C20orf203: variants seen among roughly 807,000 people sequenced by gnomAD.
The protein encoded by C20orf203 is chromosome 20 open reading frame 203, also known as uncharacterized protein C20orf203.
In C20orf203, 16 loss-of-function variants were observed where a neutral mutation model predicts 15.9. The observed-to-expected ratio is 1.01, with a 90% CI of 0.68 to 1.53. The LOEUF (loss-of-function observed/expected upper bound fraction) is 1.53. C20orf203 is among the 40% of genes most tolerant of loss of function. C20orf203 has a pLI of 0.00. For synonymous variants in C20orf203, 98 were observed against 97.2 expected, an observed-to-expected ratio of 1.01 and a Z score of -0.05; for missense variants, 263 against 247.5, an observed-to-expected ratio of 1.06 and a Z score of -0.42.
intron 4 of C20orf203, among the ~76,000 whole-genome samples, chr20:32,646,218 C>CT (rs1461948818): frequency 2.6e-5 from 3 of 115,206 alleles, no homozygotes; most frequent in Non-Finnish European, 3.5e-5. Context: ...CTCGCTCGAT[C>CT]TTTTTGTTGA....
intron 4 of C20orf203, among the ~76,000 whole-genome samples, chr20:32,646,540 C>T (rs1716513711): frequency 1.3e-5 from 2 of 151,938 alleles, no homozygotes; most frequent in South Asian, 2.1e-4. Flanking sequence ...CAAGGGCTTC[C>T]TAGCAGGTGG....
intron 1 of C20orf203, among the ~76,000 whole-genome samples, chr20:32,668,366 C>G (rs1429585774): frequency 1.3e-5 from 2 of 152,164 alleles, no homozygotes; most frequent in Non-Finnish European, 2.9e-5. Context: ...TGGCTCACAT[C>G]TGTAATCTCA....
Position 32,650,807 on chromosome 20 carries a change from C to T in C20orf203, c.210G>A (p.Lys70=), listed in dbSNP as rs1982598307. 1.3e-6 allele frequency: 2 copies of T among 1,487,500 alleles called. No homozygotes were observed. The highest frequency in any genetic ancestry group is 1.8e-6 in the Non-Finnish European group (2 of 1,116,744). The allele number at this position is 1,487,500 out of a possible 1,614,324, so 92.1% of individuals were successfully genotyped here. A position where few individuals can be genotyped will look rare whatever the true frequency, so the allele number is the denominator to read the frequency against. Residue 70 remains lysine, a synonymous_variant, in exon 4 of 6, where the codon AAG becomes AAA. Transcript: ENST00000608990. ...TGGGCTGGGGGTGGACTCGCTGAGCCTTTGAGGTCCTCCTTCCCGCCCCAC... is the reference window on the plus strand; with the variant it reads ...TGGGCTGGGGGTGGACTCGCTGAGCTTTTGAGGTCCTCCTTCCCGCCCCAC... ...LGGGAGRRTS[K]AQRVHPQPSH...
Position 32,634,215 on chromosome 20 carries a change from G to T in C20orf203, c.*1355C>A. 3 of 398,670 alleles carry T rather than the reference G, an allele frequency of 7.5e-6. No homozygotes were observed. The highest frequency in any genetic ancestry group is 4.4e-5 in the Admixed American group (1 of 22,742). 24.7% of individuals were successfully genotyped at this position (398,670 alleles called of 1,614,324 possible). The stretch of plus-strand genomic sequence containing the variant: ...GGGGCTTGAGTTCAGGGGTTGGGGG[G>T]AGGTTCCTAGCCTGGGGGCTCTGGA... On this transcript the variant is annotated 3_prime_UTR_variant, in exon 6 of 6. Transcript: ENST00000608990.
chr20:32,662,938 T>C (rs1282722002), intron 1 of C20orf203, among the ~76,000 whole-genome samples: 1 of 144,054 alleles, frequency 6.9e-6, no homozygotes, highest in Non-Finnish European at 1.5e-5. Flanking sequence ...TATAGATAGA[T>C]AGATATAAAT....
intron 1 of C20orf203, among the ~76,000 whole-genome samples, chr20:32,667,469 G>C (rs4607010): frequency 0.24 from 36,706 of 152,042 alleles, 5,483 homozygotes; most frequent in Middle Eastern, 0.37. Context: ...AGGCCTGGCC[G>C]TCTGCTTTTC....
chr20:32,651,118 TG>T lies in C20orf203; in HGVS notation c.34del (p.Gln12LysfsTer32). The stretch of plus-strand genomic sequence containing the variant: ...GGGAGGCTGAGGCAGGAGAATCGCT[TG>T]AGCCCGGGAGTTCAAGACAGGCCTA... Reference protein sequence around the residue: ...FPRPVLNSRAQAILLPQPPNM... With the variant: ...FPRPVLNSRAXAILLPQPPNM... On this transcript the variant is annotated frameshift_variant, in exon 3 of 6. Coordinates refer to ENST00000608990, the MANE Select transcript of C20orf203 (RefSeq NM_182584.4). LOFTEE classifies it high-confidence loss of function. The T allele has an allele frequency of 7.8e-7, 1 of 1,275,730 alleles. No homozygotes were observed. The allele number at this position is 1,275,730 out of a possible 1,614,324, so 79.0% of individuals were successfully genotyped here.
At chr20:32,669,132 C>A (rs1983103046) in intron 1 of C20orf203, among the ~76,000 whole-genome samples, 1 of 152,162 alleles carries the variant, frequency 6.6e-6, no homozygotes, top group African/African-American at 2.4e-5. Context: ...ACCAGGAGAT[C>A]CTGGGGTGCC....
chr20:32,672,776 A>C (rs1316926089), intron 1 of C20orf203, among the ~76,000 whole-genome samples: 1 of 151,572 alleles, frequency 6.6e-6, no homozygotes, highest in Non-Finnish European at 1.5e-5. Context: ...AGCTCACAGC[A>C]TTTCACACAG....
At chr20:32,666,888 A>C (rs1454652554) in intron 1 of C20orf203, among the ~76,000 whole-genome samples, 1 of 143,032 alleles carries the variant, frequency 7.0e-6, no homozygotes, top group African/African-American at 2.5e-5. Context: ...GCCTCAAGCA[A>C]TCCTCCCACC....
At chr20:32,672,965 G>A (rs1338428574) in intron 1 of C20orf203, among the ~76,000 whole-genome samples, 1 of 152,184 alleles carries the variant, frequency 6.6e-6, no homozygotes, top group Non-Finnish European at 1.5e-5. Context: ...CTCGGGCTTT[G>A]AGAGCCAGAA....
At chr20:32,646,348 G>A (rs2145667040) in intron 4 of C20orf203, among the ~76,000 whole-genome samples, 1 of 152,176 alleles carries the variant, frequency 6.6e-6, no homozygotes, top group East Asian at 1.9e-4. Flanking sequence ...TGGGATTACA[G>A]GCACATGACA....
intron 4 of C20orf203, among the ~76,000 whole-genome samples, chr20:32,647,386 A>G (rs1314009042): frequency 1.7e-5 from 2 of 118,736 alleles, no homozygotes; most frequent in Admixed American, 1.9e-4. Context: ...CAAGAGTGAA[A>G]CTCCGTCTCA....
At chr20:32,646,741 A>G (rs1982443743) in intron 4 of C20orf203, among the ~76,000 whole-genome samples, 1 of 152,238 alleles carries the variant, frequency 6.6e-6, no homozygotes, top group Non-Finnish European at 1.5e-5. Context: ...TATTGCAGTC[A>G]CGCATTATTA....
Position 32,642,510 on chromosome 20 carries a change from G to A in C20orf203, c.*1178-1823C>T, listed in dbSNP as rs941488056. ...GAGGTAGAGATAACACTTTTGGCGC[G>A]GCGAGAGGCCACCAGGCAACTGCCT... is the stretch of plus-strand genomic sequence containing the variant. On this transcript the variant is annotated intron_variant, in intron 4 of 5. Coordinates refer to ENST00000608990, the MANE Select transcript of C20orf203 (RefSeq NM_182584.4). 4.6e-5 allele frequency among the ~76,000 whole-genome samples: 7 copies of A among 152,236 alleles called. No individual in the cohort carries two copies. In the South Asian group the frequency reaches 6.2e-4, roughly 14 times the overall value.
At chr20:32,638,476 C>A (rs919114859) in intron 5 of C20orf203, among the ~76,000 whole-genome samples, 2 of 152,138 alleles carry the variant, frequency 1.3e-5, no homozygotes, top group African/African-American at 4.8e-5. Context: ...AAGTCACTTG[C>A]CCAGGGTCAC....
chr20:32,673,172 G>A (rs996238877), intron 1 of C20orf203, among the ~76,000 whole-genome samples: 2 of 152,158 alleles, frequency 1.3e-5, no homozygotes, highest in African/African-American at 2.4e-5. Flanking sequence ...CGACAAGCCC[G>A]CCCTCCTGAG....
rs1389756669 is a variant in C20orf203 at position 32,649,599 on chromosome 20, C to T, written c.*833G>A. The stretch of plus-strand genomic sequence containing the variant: ...ACAGGGTAACACAGCAAATGCCAGT[C>T]CCTCCATGTTCTCAGTCTACGAAAC... On this transcript the variant is annotated 3_prime_UTR_variant, in exon 4 of 6. Transcript: ENST00000608990. 1 of 152,580 alleles carries T rather than the reference C, an allele frequency of 6.6e-6. No individual in the cohort carries two copies. The highest frequency in any genetic ancestry group is 6.5e-5 in the Admixed American group (1 of 15,290). 9.5% of individuals were successfully genotyped at this position (152,580 alleles called of 1,614,324 possible).
At chr20:32,659,517 C>A (rs945804026) in intron 1 of C20orf203, among the ~76,000 whole-genome samples, 15 of 152,236 alleles carry the variant, frequency 9.9e-5, no homozygotes, top group African/African-American at 3.6e-4. Context: ...TACAGATGAG[C>A]AAACTGAGGC....
Sources: gnomAD v4.1 joint callset for allele counts (sites outside exome capture counted in the v4.1 genomes callset) on GRCh38, gnomAD v4.1.1 for gene constraint, MANE v1.5 for transcripts, NCBI Gene and HGNC (gene_info 2026-07-23, HGNC 2026-07-21) for gene names.